ACSBG1: variants seen among roughly 807,000 people sequenced by gnomAD.
ACSBG1 encodes the protein acyl-CoA synthetase bubblegum family member 1.
ACSBG1 carries 39 observed loss-of-function variants against 80.2 expected under a neutral mutation model. That is an observed-to-expected ratio of 0.49 (90% CI 0.38 to 0.64). ACSBG1 has a LOEUF of 0.64. ACSBG1 is among the 30% of genes least tolerant of loss of function. ACSBG1 has a pLI of 0.00. For synonymous variants in ACSBG1, 392 were observed against 379.5 expected (o/e 1.03, Z -0.38); for missense variants, 828 against 966.4 (o/e 0.86, Z 1.90).
intron 7 of ACSBG1, 147 bp from the exon 8 acceptor site, chr15:78,182,292 TC>T: frequency 2.3e-6 from 3 of 1,304,904 alleles, no homozygotes; most frequent in Non-Finnish European, 2.1e-6. Flanking sequence ...AGGCCTCCCC[TC>T]CCCCTTGCTG....
intron 1 of ACSBG1, among the ~76,000 whole-genome samples, chr15:78,230,857 T>C (rs565489294): frequency 8.5e-5 from 13 of 152,222 alleles, no homozygotes; most frequent in Non-Finnish European, 1.8e-4. Context: ...AGGTATGTCT[T>C]TATCAGCAGC....
rs529931304 is a variant in ACSBG1 at position 78,203,379 on chromosome 15, G to A, written c.232+4623C>T. 3.9e-4 allele frequency among the ~76,000 whole-genome samples: 59 copies of A among 152,362 alleles called. No individual in the cohort carries two copies. The South Asian group carries it at 3.9e-3, about 10-fold the overall frequency. Reference sequence around the variant, plus strand: ...GGCAACCAACGACTAGATCTACAGCGCAGTGGAGAACCCAGAAAGCTCGCT... The same window carrying A: ...GGCAACCAACGACTAGATCTACAGCACAGTGGAGAACCCAGAAAGCTCGCT... On this transcript the variant is annotated intron_variant, in intron 2 of 13. Transcript: ENST00000258873.
intron 2 of ACSBG1, among the ~76,000 whole-genome samples, chr15:78,199,029 G>C (rs2075141891): frequency 6.6e-6 from 1 of 152,128 alleles, no homozygotes; most frequent in Non-Finnish European, 1.5e-5. Flanking sequence ...TTAGACACAT[G>C]GCCCTTGGAG....
At chr15:78,181,157 C>T in intron 8 of ACSBG1, 2 of 576,206 alleles carry the variant, frequency 3.5e-6, no homozygotes, top group East Asian at 2.9e-5. Flanking sequence ...CCAGTGCTGA[C>T]CTCAGTCTCA....
In ACSBG1 at chr15:78,171,478, A is replaced by G; in HGVS notation, c.2141T>C (p.Ile714Thr). Residue 714 changes from isoleucine to threonine, a missense_variant, in exon 14 of 14, where the codon ATC (isoleucine) becomes ACC (threonine). Around this residue, in one of 3 missense-constraint regions of ACSBG1, gnomAD observed 201 missense variants for 227.0 expected, o/e 0.89. Transcript: ENST00000258873. ...RLTVLEKYKG[I>T]IDSFYQEQKM ...TTGCTCTTGGTAAAAGGAGTCAATG[A>G]TACCTTTGTACTTCTCCAAAACTGT... is the stretch of plus-strand genomic sequence containing the variant. The G allele has an allele frequency of 6.8e-6, 11 of 1,614,186 alleles. No homozygotes were observed. The highest frequency in any genetic ancestry group is 9.3e-6 in the Non-Finnish European group (11 of 1,180,004).
intron 2 of ACSBG1, among the ~76,000 whole-genome samples, chr15:78,204,433 C>T (rs2075195761): frequency 1.3e-5 from 2 of 152,298 alleles, no homozygotes; most frequent in Admixed American, 1.3e-4. Context: ...GGCATCCCAG[C>T]CAGAAGCCCT....
At chr15:78,190,517 G>A (rs1165056986) in intron 5 of ACSBG1, among the ~76,000 whole-genome samples, 12 of 139,142 alleles carry the variant, frequency 8.6e-5, no homozygotes, top group Admixed American at 8.6e-4. Context: ...GCTGCAGTGA[G>A]CCATGATTGC....
intron 5 of ACSBG1, among the ~76,000 whole-genome samples, chr15:78,187,335 T>C (rs2075014179): frequency 6.6e-6 from 1 of 152,152 alleles, no homozygotes; most frequent in Admixed American, 6.5e-5. Context: ...GAGGCCAGCA[T>C]CATCCTGATA....
At chr15:78,182,221 G>C in intron 7 of ACSBG1, 76 bp from the exon 8 acceptor site, 1 of 1,543,720 alleles carries the variant, frequency 6.5e-7, no homozygotes, top group East Asian at 2.3e-5. Context: ...GGCCACCCTG[G>C]GGGCCAGCCC....
At chr15:78,183,935 G>A (rs1442228315) in intron 5 of ACSBG1, among the ~76,000 whole-genome samples, 1 of 151,844 alleles carries the variant, frequency 6.6e-6, no homozygotes, top group Non-Finnish European at 1.5e-5. Context: ...GAAAAAATGA[G>A]TTCCTAAAAC....
At chr15:78,188,026 C>A (rs1430427739) in intron 5 of ACSBG1, among the ~76,000 whole-genome samples, 1 of 152,138 alleles carries the variant, frequency 6.6e-6, no homozygotes, top group Non-Finnish European at 1.5e-5. Context: ...TCTTATACCC[C>A]AATAACAGAC....
At chr15:78,206,385 C>T (rs917176498) in intron 2 of ACSBG1, among the ~76,000 whole-genome samples, 9 of 152,346 alleles carry the variant, frequency 5.9e-5, no homozygotes, top group African/African-American at 2.2e-4. Context: ...CAGCCTGTCC[C>T]TGCCCTTTAC....
rs566680506 is a variant in ACSBG1, at chr15:78,194,593, C to T, written c.366G>A (p.Leu122=). ...CCCACTTGTCCTGGCGCTTGAAGCC[C>T]AAAGCGATGAGGTCCCCATACTTAT... ...ALDKYGDLIA[L]GFKRQDKWEH... The change falls in exon 3 of 14, where the codon TTG becomes TTA. Residue 122 remains leucine, a synonymous_variant. Transcript: ENST00000258873. The T allele has an allele frequency of 9.9e-6, 16 of 1,614,126 alleles. No individual in the cohort carries two copies. Among genetic ancestry groups the T allele is most frequent in the Non-Finnish European group, 1.4e-5 (16 of 1,180,050 alleles).
rs531602757 is a variant in ACSBG1, at chr15:78,174,644, G to A, written c.1703-120C>T. ...GCACAGCTGGAGATGCCCCCTTTCT[G>A]GGAGCCAAGAAGCAGTGGCAGGCCC... On this transcript the variant is annotated intron_variant, in intron 11 of 13. Coordinates refer to ENST00000258873, the MANE Select transcript of ACSBG1 (RefSeq NM_015162.5). 37 of 1,277,156 alleles carry A rather than the reference G, an allele frequency of 2.9e-5. No individual in the cohort carries two copies. In the South Asian group the frequency reaches 5.2e-4, roughly 18 times the overall value. The allele number at this position is 1,277,156 out of a possible 1,614,324, so 79.1% of individuals were successfully genotyped here.
chr15:78,197,759 C>G (rs1330926540), intron 2 of ACSBG1, among the ~76,000 whole-genome samples: 1 of 151,626 alleles, frequency 6.6e-6, no homozygotes, highest in Admixed American at 6.6e-5. Context: ...TGTTGACCCC[C>G]CACAAAGTGG....
At chr15:78,224,699 C>T (rs553900817) in intron 1 of ACSBG1, among the ~76,000 whole-genome samples, 269 of 151,178 alleles carry the variant, frequency 1.8e-3, no homozygotes, top group Non-Finnish European at 3.3e-3. Context: ...CCAGCCTGGG[C>T]GACAGAGCGA....
intron 2 of ACSBG1, among the ~76,000 whole-genome samples, chr15:78,197,719 TAAAAAAAAAAAAAA>T (rs746712543): frequency 6.8e-5 from 7 of 103,368 alleles, no homozygotes; most frequent in African/African-American, 2.2e-4. Context: ...ACTCTGTCTT[TAAAAAAAAAAAAAA>T]AAAAAAAAAA....
chr15:78,209,469 G>T (rs939919338), intron 1 of ACSBG1, among the ~76,000 whole-genome samples: 3 of 152,178 alleles, frequency 2.0e-5, no homozygotes, highest in African/African-American at 7.2e-5. Context: ...CCGGGGCGAG[G>T]CCTCCTGTGC....
At chr15:78,188,363 C>T (rs1016787591) in intron 5 of ACSBG1, among the ~76,000 whole-genome samples, 86 of 151,942 alleles carry the variant, frequency 5.7e-4, no homozygotes, top group Admixed American at 1.8e-3. Flanking sequence ...GCCTGCATCG[C>T]CAAGTCAATC....
Sources: allele counts gnomAD v4.1 joint callset (sites outside exome capture counted in the v4.1 genomes callset), GRCh38; gene constraint gnomAD v4.1.1; regional missense constraint gnomAD v4.1.1; transcripts MANE v1.5; gene names NCBI Gene and HGNC (gene_info 2026-07-23, HGNC 2026-07-21).